BMPER: variants seen among roughly 807,000 people sequenced by gnomAD.
The protein encoded by BMPER is BMP binding endothelial regulator.
BMPER carries 45 observed loss-of-function variants against 87.3 expected under a neutral mutation model. The observed-to-expected ratio is 0.52, with a 90% CI of 0.41 to 0.66. The LOEUF is 0.66. BMPER is among the 30% of genes least tolerant of loss of function. BMPER has a pLI of 0.00. For synonymous variants in BMPER, 326 were observed against 316.2 expected, an observed-to-expected ratio of 1.03 and a Z score of -0.33; for missense variants, 784 against 867.5, an observed-to-expected ratio of 0.90 and a Z score of 1.21.
In BMPER at chr7:33,969,469, T is replaced by G. The variant is rs573334583; in HGVS notation, c.403-860T>G. ...GGCTGGAGTGCAGTGGCGCAATCTC[T>G]GCTCACTGCAAGCTCCGCCTCCTGG... On this transcript the variant is annotated intron_variant, in intron 4 of 14. Coordinates refer to ENST00000649409, the MANE Select transcript of BMPER (RefSeq NM_001365308.1). Among the ~76,000 whole-genome samples the G allele has an allele frequency of 2.0e-5, 3 of 152,300 alleles. No individual in the cohort carries two copies. In the East Asian group the frequency reaches 5.8e-4, roughly 29 times the overall value.
chr7:33,962,446 C>T (rs1053193863), intron 3 of BMPER, among the ~76,000 whole-genome samples: 4 of 152,074 alleles, frequency 2.6e-5, no homozygotes, highest in Non-Finnish European at 4.4e-5. Context: ...GGTTTTCAGC[C>T]TTGGCGCAAT....
intron 13 of BMPER, among the ~76,000 whole-genome samples, chr7:34,092,331 G>A (rs1024661784): frequency 5.3e-5 from 8 of 152,076 alleles, no homozygotes; most frequent in African/African-American, 1.9e-4. Context: ...CAAGTCTCTT[G>A]GACCCCCTGG....
intron 6 of BMPER, among the ~76,000 whole-genome samples, chr7:34,008,109 T>C (rs1292280955): frequency 6.6e-6 from 1 of 152,058 alleles, no homozygotes; most frequent in Admixed American, 6.6e-5. Flanking sequence ...AAATTGATTG[T>C]AAGTCTCCTC....
chr7:34,003,055 G>T (rs1245771724), intron 6 of BMPER, among the ~76,000 whole-genome samples: 1 of 151,472 alleles, frequency 6.6e-6, no homozygotes, highest in Non-Finnish European at 1.5e-5. Flanking sequence ...ATGTTTTGCT[G>T]GTTTTTGTAT....
chr7:33,940,604 C>T (rs1212818004), intron 3 of BMPER, among the ~76,000 whole-genome samples: 1 of 152,092 alleles, frequency 6.6e-6, no homozygotes, highest in Non-Finnish European at 1.5e-5. Flanking sequence ...AAAACAACAA[C>T]AGATCAGTGG....
intron 3 of BMPER, among the ~76,000 whole-genome samples, chr7:33,947,519 T>C (rs1228067399): frequency 2.0e-5 from 3 of 152,222 alleles, no homozygotes; most frequent in Non-Finnish European, 2.9e-5. Context: ...GGTTGCATTT[T>C]TTAATAGTTT....
At chr7:34,095,224 T>C (rs966416023) in intron 13 of BMPER, among the ~76,000 whole-genome samples, 2 of 152,208 alleles carry the variant, frequency 1.3e-5, no homozygotes, top group African/African-American at 4.8e-5. Flanking sequence ...GGGTGGAGGC[T>C]GAGAAGGAGC....
chr7:34,037,522 A>G (rs1432280090), intron 6 of BMPER, among the ~76,000 whole-genome samples: 4 of 152,066 alleles, frequency 2.6e-5, no homozygotes, highest in African/African-American at 7.2e-5. Context: ...TTTGGGAGTC[A>G]TCTAGCTGAC....
chr7:33,920,695 G>C (rs190317114), intron 2 of BMPER, among the ~76,000 whole-genome samples: 6 of 152,122 alleles, frequency 3.9e-5, no homozygotes, highest in Non-Finnish European at 8.8e-5. Context: ...AAAGTGCTGG[G>C]ATTACAGGCG....
chr7:33,999,886 C>T lies in BMPER; in HGVS notation c.576+25102C>T, dbSNP rs546691074. 2.6e-5 allele frequency among the ~76,000 whole-genome samples: 4 copies of T among 152,308 alleles called. No individual in the cohort carries two copies. The East Asian group carries it at 7.7e-4, about 29-fold the overall frequency. On this transcript the variant is annotated intron_variant, in intron 6 of 14. Coordinates refer to ENST00000649409, the MANE Select transcript of BMPER (RefSeq NM_001365308.1). The stretch of plus-strand genomic sequence containing the variant: ...GTTAAATACCTCTTTGATTTCTCCC[C>T]ATTCTCAGAACTTAAAAGGCCACTA...
intron 12 of BMPER, 55 bp downstream of exon 12, chr7:34,079,241 A>G (rs1788949989): frequency 6.2e-7 from 1 of 1,604,244 alleles, no homozygotes; most frequent in African/African-American, 1.3e-5. Flanking sequence ...TTACCCGTTC[A>G]GCAGCACTGC....
chr7:34,048,335 A>G (rs1788045603), intron 7 of BMPER, among the ~76,000 whole-genome samples: 1 of 152,128 alleles, frequency 6.6e-6, no homozygotes, highest in South Asian at 2.1e-4. Flanking sequence ...ACACAAACAC[A>G]CATACACCTG....
intron 11 of BMPER, among the ~76,000 whole-genome samples, chr7:34,076,817 CTGTG>C (rs1256683612): frequency 6.6e-6 from 1 of 152,090 alleles, no homozygotes; most frequent in Non-Finnish European, 1.5e-5. Context: ...TGGGCATTCC[CTGTG>C]CCTGCTCCCC....
chr7:34,090,493 T>G (rs140461307), intron 13 of BMPER, among the ~76,000 whole-genome samples: 123 of 152,254 alleles, frequency 8.1e-4, no homozygotes, highest in Admixed American at 1.6e-3. Flanking sequence ...CTGGAGATCC[T>G]TAGCAGCCAG....
At chr7:34,024,410 T>A (rs1787301011) in intron 6 of BMPER, among the ~76,000 whole-genome samples, 1 of 44,798 alleles carries the variant, frequency 2.2e-5, no homozygotes, top group African/African-American at 8.0e-5. Context: ...TATATATATA[T>A]ATATATATAT....
intron 6 of BMPER, among the ~76,000 whole-genome samples, chr7:34,011,114 T>C (rs1786862634): frequency 2.0e-5 from 3 of 151,872 alleles, no homozygotes; most frequent in Admixed American, 2.0e-4. Flanking sequence ...ATACAGGCCA[T>C]GATTCTAGTA....
intron 13 of BMPER, among the ~76,000 whole-genome samples, chr7:34,108,952 G>A (rs1789893129): frequency 6.6e-6 from 1 of 152,210 alleles, no homozygotes; most frequent in African/African-American, 2.4e-5. Flanking sequence ...GTTGGAGGAT[G>A]ATTTTGAGAT....
At chr7:33,920,227 T>C (rs934798495) in intron 2 of BMPER, among the ~76,000 whole-genome samples, 3 of 152,000 alleles carry the variant, frequency 2.0e-5, no homozygotes, top group African/African-American at 7.3e-5. Flanking sequence ...CGTTAACAAG[T>C]CAGTGGTTAG....
chr7:34,070,806 A>T (rs1481989890), intron 11 of BMPER, among the ~76,000 whole-genome samples: 4 of 141,140 alleles, frequency 2.8e-5, no homozygotes, highest in Non-Finnish European at 6.1e-5. Context: ...AACTAATTTG[A>T]GCGGCAGAGC....
Sources: gnomAD v4.1 joint callset for allele counts (sites outside exome capture counted in the v4.1 genomes callset) on GRCh38, gnomAD v4.1.1 for gene constraint, MANE v1.5 for transcripts, NCBI Gene and HGNC (gene_info 2026-07-23, HGNC 2026-07-21) for gene names.